Variants in UST observed in about 807,000 individuals in gnomAD.
UST encodes the protein uronyl 2-sulfotransferase.
In UST, 21 loss-of-function variants were observed where a neutral mutation model predicts 45.6. The ratio of observed to expected loss-of-function variants is 0.46; its 90% confidence interval spans 0.33 to 0.66. The LOEUF is 0.66. UST is among the 30% of genes least tolerant of loss of function. The pLI is 0.02. For synonymous variants in UST, 215 were observed against 200.6 expected (o/e 1.07, Z -0.61); for missense variants, 463 against 512.4 (o/e 0.90, Z 0.93).
At chr6:148,841,894 A>G (rs1184225800) in intron 1 of UST, among the ~76,000 whole-genome samples, 1 of 152,186 alleles carries the variant, frequency 6.6e-6, no homozygotes. Flanking sequence ...CACCTGCGGT[A>G]AGGGAGTTCG....
chr6:148,834,856 T>G (rs1345808361), intron 1 of UST, among the ~76,000 whole-genome samples: 1 of 152,226 alleles, frequency 6.6e-6, no homozygotes, highest in African/African-American at 2.4e-5. Context: ...TCCACACTTT[T>G]AAAGATAAAT....
intron 1 of UST, among the ~76,000 whole-genome samples, chr6:148,825,058 T>C (rs1347146634): frequency 6.6e-6 from 1 of 152,088 alleles, no homozygotes; most frequent in Admixed American, 6.6e-5. Context: ...ATGTGCCACA[T>C]TTTCTTAAGT....
chr6:149,003,718 C>T (rs776044171), intron 5 of UST, among the ~76,000 whole-genome samples: 2 of 152,180 alleles, frequency 1.3e-5, no homozygotes. Context: ...ACCACATAAC[C>T]TGGCAAAATT....
At chr6:148,883,958 C>T (rs1237732925) in intron 1 of UST, among the ~76,000 whole-genome samples, 1 of 151,968 alleles carries the variant, frequency 6.6e-6, no homozygotes, top group Non-Finnish European at 1.5e-5. Context: ...ATGGAGAAAC[C>T]CTGTCTCTAC....
At chr6:148,833,441 C>T (rs1304209409) in intron 1 of UST, among the ~76,000 whole-genome samples, 2 of 152,088 alleles carry the variant, frequency 1.3e-5, no homozygotes, top group African/African-American at 2.4e-5. Context: ...GACCTGAGAT[C>T]GTGCGACTGC....
chr6:148,847,194 C>T (rs1778006884), intron 1 of UST, among the ~76,000 whole-genome samples: 1 of 152,268 alleles, frequency 6.6e-6, no homozygotes, highest in Admixed American at 6.5e-5. Context: ...GCAACACATA[C>T]TTATTATCTC....
chr6:148,770,440 G>GGT (rs1562562522), intron 1 of UST, among the ~76,000 whole-genome samples: 3 of 151,610 alleles, frequency 2.0e-5, no homozygotes, highest in Non-Finnish European at 4.4e-5. Context: ...CAGAAACCAT[G>GGT]GTAGGGGAAG....
At chr6:148,769,489 C>T (rs1388095937) in intron 1 of UST, among the ~76,000 whole-genome samples, 1 of 152,226 alleles carries the variant, frequency 6.6e-6, no homozygotes, top group Non-Finnish European at 1.5e-5. Flanking sequence ...GGCATTGCCA[C>T]CGTGCAGCTG....
chr6:148,967,627 C>T (rs983166541), intron 5 of UST, among the ~76,000 whole-genome samples: 7 of 152,148 alleles, frequency 4.6e-5, no homozygotes, highest in Admixed American at 6.5e-5. Context: ...CTCAGCGGGG[C>T]GCAGGCAGCT....
At chr6:148,908,541 A>G (rs939658957) in intron 2 of UST, among the ~76,000 whole-genome samples, 2 of 152,298 alleles carry the variant, frequency 1.3e-5, no homozygotes, top group Admixed American at 6.5e-5. Flanking sequence ...TCTTTTGCTT[A>G]TTACATTTAA....
chr6:149,070,671 G>C (rs1776806716), intron 7 of UST, among the ~76,000 whole-genome samples: 1 of 151,940 alleles, frequency 6.6e-6, no homozygotes, highest in Non-Finnish European at 1.5e-5. Flanking sequence ...GGCATGCAAT[G>C]CATAATAATC....
chr6:148,879,167 G>C (rs1319781406), intron 1 of UST, among the ~76,000 whole-genome samples: 1 of 152,156 alleles, frequency 6.6e-6, no homozygotes, highest in Non-Finnish European at 1.5e-5. Flanking sequence ...CAACCTGTGA[G>C]CTAGGCCTGG....
At chr6:148,917,885 G>T (rs7749073) in intron 2 of UST, among the ~76,000 whole-genome samples, 2,305 of 152,324 alleles carry the variant, frequency 0.015, 67 homozygotes, top group African/African-American at 0.052. Context: ...CAGGTAGACC[G>T]TGGAACTCAT....
intron 1 of UST, among the ~76,000 whole-genome samples, chr6:148,846,011 A>G (rs1339845630): frequency 2.2e-5 from 3 of 137,654 alleles, no homozygotes; most frequent in African/African-American, 5.0e-5. Flanking sequence ...ACTGTAAACT[A>G]GTTCAACCCT....
intron 3 of UST, among the ~76,000 whole-genome samples, chr6:148,950,228 G>A (rs902365571): frequency 1.3e-5 from 2 of 152,178 alleles, no homozygotes; most frequent in African/African-American, 4.8e-5. Flanking sequence ...AAGGCCTGGG[G>A]CGGATCCTGA....
intron 5 of UST, among the ~76,000 whole-genome samples, chr6:148,973,403 A>G (rs1011159079): frequency 6.6e-6 from 1 of 152,242 alleles, no homozygotes; most frequent in African/African-American, 2.4e-5. Flanking sequence ...GTCCATTGCC[A>G]TCTCTTCAAA....
At chr6:148,757,112 C>T (rs1415312557) in intron 1 of UST, among the ~76,000 whole-genome samples, 1 of 152,234 alleles carries the variant, frequency 6.6e-6, no homozygotes, top group African/African-American at 2.4e-5. Context: ...ATCCTCCCAC[C>T]TCAGCTTCTT....
intron 1 of UST, among the ~76,000 whole-genome samples, chr6:148,808,509 C>T (rs1777192984): frequency 6.6e-6 from 1 of 151,902 alleles, no homozygotes; most frequent in Non-Finnish European, 1.5e-5. Context: ...GGCTTTCTTG[C>T]CCCACCCCTA....
chr6:148,838,365 G>C (rs909956663), intron 1 of UST, among the ~76,000 whole-genome samples: 10 of 152,220 alleles, frequency 6.6e-5, no homozygotes, highest in African/African-American at 2.2e-4. Context: ...AGTGGGTCCA[G>C]ATCAGCTAGG....
Sources: allele counts gnomAD v4.1 joint callset (sites outside exome capture counted in the v4.1 genomes callset), GRCh38; gene constraint gnomAD v4.1.1; transcripts MANE v1.5; gene names NCBI Gene and HGNC (gene_info 2026-07-23, HGNC 2026-07-21).